The following ME1 variants were observed in gnomAD, a reference collection of about 807,000 sequenced individuals.
ME1 encodes the protein NADP-dependent malic enzyme.
A neutral mutation model predicts 66.4 loss-of-function variants in ME1; 74 were observed. The observed-to-expected ratio is 1.11, with a 90% CI of 0.92 to 1.35. ME1 has a LOEUF of 1.35. Ranked by LOEUF, ME1 falls within the 40% of genes most tolerant of loss-of-function variation. The probability of loss-of-function intolerance (pLI) is 0.00; values close to 1 mark genes in which losing one functional copy is unlikely to be tolerated. For missense variants in ME1, 750 were observed against 694.1 expected, an observed-to-expected ratio of 1.08 and a Z score of -0.90; for synonymous variants, 251 against 235.6, an observed-to-expected ratio of 1.07 and a Z score of -0.60.
chr6:83,274,980 A>G (rs952489881), intron 6 of ME1, among the ~76,000 whole-genome samples: 11 of 152,230 alleles, frequency 7.2e-5, no homozygotes, highest in Non-Finnish European at 1.2e-4. Flanking sequence ...GAAAATTGAC[A>G]CTGGAAGTGA....
At chr6:83,409,805 T>A (rs1321785986) in intron 1 of ME1, among the ~76,000 whole-genome samples, 2 of 152,186 alleles carry the variant, frequency 1.3e-5, no homozygotes, top group African/African-American at 2.4e-5. Flanking sequence ...TGGTGTCTAG[T>A]TGCAAGATAT....
chr6:83,317,689 G>A (rs532067179), intron 5 of ME1, among the ~76,000 whole-genome samples: 8 of 152,138 alleles, frequency 5.3e-5, no homozygotes, highest in African/African-American at 1.7e-4. Flanking sequence ...TTGCTCATGG[G>A]TAGGAAGAAT....
At chr6:83,292,713 T>TA (rs2128535150) in intron 6 of ME1, among the ~76,000 whole-genome samples, 1 of 152,274 alleles carries the variant, frequency 6.6e-6, no homozygotes, top group East Asian at 1.9e-4. Context: ...TTTGTTCAGA[T>TA]ATGCTCTGTC....
rs1766790816 is a variant in ME1 at position 83,257,238 on chromosome 6, T to C, written c.705-3500A>G. 2.0e-5 allele frequency among the ~76,000 whole-genome samples: 3 copies of C among 151,668 alleles called. No individual in the cohort carries two copies. In the South Asian group the frequency reaches 6.2e-4, roughly 31 times the overall value. ...TAAATAAAATTAAGACATCTTTAGA[T>C]AAATAAAAATCAAAAGACTTTTACT... On this transcript the variant is annotated intron_variant, in intron 6 of 13. Coordinates refer to ENST00000369705, the MANE Select transcript of ME1 (RefSeq NM_002395.6).
At chr6:83,426,081 T>C (rs552807210) in intron 1 of ME1, among the ~76,000 whole-genome samples, 1 of 152,286 alleles carries the variant, frequency 6.6e-6, no homozygotes, top group South Asian at 2.1e-4. Context: ...CCTTCCGCCA[T>C]GGGATGATGT....
Position 83,265,393 on chromosome 6 carries a change from G to C in ME1, c.705-11655C>G, listed in dbSNP as rs1304473075. ...CTCACAGCAGCCTCAACATCCCAGGGTCAAGTAATTTTCCCATTTCAGCCT... is the reference window on the plus strand; with the variant it reads ...CTCACAGCAGCCTCAACATCCCAGGCTCAAGTAATTTTCCCATTTCAGCCT... On this transcript the variant is annotated intron_variant, in intron 6 of 13. Transcript: ENST00000369705. Among the ~76,000 whole-genome samples, 4 of 151,958 alleles carry C rather than the reference G, an allele frequency of 2.6e-5. No homozygotes were observed. In the East Asian group the frequency reaches 7.7e-4, roughly 29 times the overall value.
At chr6:83,289,191 A>C (rs1767453141) in intron 6 of ME1, among the ~76,000 whole-genome samples, 1 of 152,232 alleles carries the variant, frequency 6.6e-6, no homozygotes, top group South Asian at 2.1e-4. Context: ...ACTAGGTTGA[A>C]TCGAAGTGGT....
chr6:83,327,834 G>A (rs867661187), intron 5 of ME1, among the ~76,000 whole-genome samples: 12 of 151,948 alleles, frequency 7.9e-5, no homozygotes, highest in South Asian at 4.2e-4. Context: ...GGGGCATCAC[G>A]GATCCTACCA....
At chr6:83,419,771 A>G (rs1770231301) in intron 1 of ME1, among the ~76,000 whole-genome samples, 1 of 152,200 alleles carries the variant, frequency 6.6e-6, no homozygotes, top group Non-Finnish European at 1.5e-5. Flanking sequence ...TGCTTCTGGC[A>G]GCTCTGGCTA....
chr6:83,278,803 T>C (rs1767237814), intron 6 of ME1, among the ~76,000 whole-genome samples: 1 of 152,146 alleles, frequency 6.6e-6, no homozygotes, highest in African/African-American at 2.4e-5. Flanking sequence ...TTCTTCTTAA[T>C]AGGACTTACC....
rs533463424 is a variant in ME1, at chr6:83,211,781, G to A, written c.*143C>T. On this transcript the variant is annotated 3_prime_UTR_variant, in exon 14 of 14. Coordinates refer to ENST00000369705, the MANE Select transcript of ME1 (RefSeq NM_002395.6). ...TGTGATGTTTATCCCAATTTATATC[G>A]ATATTCTTCTATCAATTTTTAGACT... The A allele has an allele frequency of 3.0e-5, 16 of 528,546 alleles. No individual in the cohort carries two copies. The highest frequency in any genetic ancestry group is 2.7e-4 in the African/African-American group (14 of 51,152). 32.7% of individuals were successfully genotyped at this position (528,546 alleles called of 1,614,324 possible). A position where few individuals can be genotyped will look rare whatever the true frequency, so the allele number is the denominator to read the frequency against.
At position 83,393,433 on chromosome 6, in the gene ME1, C is replaced by G. The variant is rs573621645; in HGVS notation, c.362+4934G>C. 3 of 600,910 alleles carry G rather than the reference C, an allele frequency of 5.0e-6. No homozygotes were observed. In the African/African-American group the frequency reaches 5.5e-5, roughly 11 times the overall value. The allele number at this position is 600,910 out of a possible 1,614,324, so 37.2% of individuals were successfully genotyped here. A position where few individuals can be genotyped will look rare whatever the true frequency, so the allele number is the denominator to read the frequency against. ...AAGACCCCCAGACCACCAGCCCCAG[C>G]GACAGCACGACGGGAAGAGAGCGGC... On this transcript the variant is annotated intron_variant, in intron 3 of 13. Coordinates refer to ENST00000369705, the MANE Select transcript of ME1 (RefSeq NM_002395.6).
At chr6:83,317,432 A>T (rs1768056283) in intron 5 of ME1, among the ~76,000 whole-genome samples, 1 of 151,550 alleles carries the variant, frequency 6.6e-6, no homozygotes, top group South Asian at 2.1e-4. Context: ...AGCAATTGTG[A>T]ATGGGAGTTC....
intron 4 of ME1, among the ~76,000 whole-genome samples, chr6:83,351,471 C>A (rs1245625335): frequency 6.6e-6 from 1 of 152,134 alleles, no homozygotes; most frequent in Non-Finnish European, 1.5e-5. Context: ...GACTCAGAGG[C>A]CAGCTCTGGG....
chr6:83,332,451 C>T (rs954275746), intron 5 of ME1, among the ~76,000 whole-genome samples: 1 of 152,216 alleles, frequency 6.6e-6, no homozygotes, highest in South Asian at 2.1e-4. Flanking sequence ...AAGACACCTG[C>T]ACATGTATGT....
chr6:83,324,073 G>T (rs966648888), intron 5 of ME1, among the ~76,000 whole-genome samples: 1 of 152,016 alleles, frequency 6.6e-6, no homozygotes, highest in African/African-American at 2.4e-5. Flanking sequence ...TGAACAACCT[G>T]CTCCTGAACG....
rs891830354 is a variant in ME1 at position 83,411,912 on chromosome 6, T to C, written c.79-4011A>G. ...ACTAGATCCCTAGACAGCAGAATGGTACGTTGTTTCACTGCTAAGGGCAGC... is the reference window on the plus strand; with the variant it reads ...ACTAGATCCCTAGACAGCAGAATGGCACGTTGTTTCACTGCTAAGGGCAGC... On this transcript the variant is annotated intron_variant, in intron 1 of 13. Transcript: ENST00000369705. Among the ~76,000 whole-genome samples the C allele has an allele frequency of 1.4e-4, 22 of 152,188 alleles. 1 individual carries two copies. Among genetic ancestry groups the C allele is most frequent in the African/African-American group, 5.1e-4 (21 of 41,450 alleles).
At chr6:83,233,147 C>T (rs2128524688) in intron 9 of ME1, among the ~76,000 whole-genome samples, 1 of 152,134 alleles carries the variant, frequency 6.6e-6, no homozygotes, top group Admixed American at 6.5e-5. Context: ...GAAAATGCTC[C>T]AAATCTTCAC....
chr6:83,392,961 A>C, intron 3 of ME1: 1 of 838,358 alleles, frequency 1.2e-6, no homozygotes, highest in Non-Finnish European at 2.0e-6. Flanking sequence ...CACCCAGAAG[A>C]CTATGGATGG....
Sources: gnomAD v4.1 joint callset for allele counts (sites outside exome capture counted in the v4.1 genomes callset) on GRCh38, gnomAD v4.1.1 for gene constraint, MANE v1.5 for transcripts, NCBI Gene and HGNC (gene_info 2026-07-23, HGNC 2026-07-21) for gene names.